Variants in IL1RAPL2 observed in about 807,000 individuals in gnomAD.
The protein encoded by IL1RAPL2 is interleukin 1 receptor accessory protein like 2, also known as X-linked interleukin-1 receptor accessory protein-like 2.
IL1RAPL2 carries 3 observed loss-of-function variants against 44.1 expected under a neutral mutation model. The observed-to-expected ratio is 0.07, with a 90% CI of 0.03 to 0.18. The LOEUF (loss-of-function observed/expected upper bound fraction) is 0.18, where lower values mean the gene tolerates loss of function less well. IL1RAPL2 is among the 10% of genes least tolerant of loss of function. The probability of loss-of-function intolerance (pLI) is 1.00; values close to 1 mark genes in which losing one functional copy is unlikely to be tolerated. For missense variants in IL1RAPL2, 391 were observed against 496.4 expected, an observed-to-expected ratio of 0.79 and a Z score of 2.02; for synonymous variants, 181 against 178.8, an observed-to-expected ratio of 1.01 and a Z score of -0.10.
At chrX:105,544,417 CTCT>C (rs1222005998) in intron 6 of IL1RAPL2, among the ~76,000 whole-genome samples, 1 of 110,452 alleles carries the variant, frequency 9.1e-6, no homozygotes, top group Non-Finnish European at 1.9e-5. Context: ...TTTGATTCTT[CTCT>C]TTTTTTTTCT....
chrX:105,740,796 T>A, intron 8 of IL1RAPL2, 105 bp downstream of exon 8: 2 of 763,493 alleles, frequency 2.6e-6, no homozygotes, highest in Non-Finnish European at 3.7e-6. Context: ...AAACCTTTAT[T>A]AACCATTTTG....
intron 6 of IL1RAPL2, among the ~76,000 whole-genome samples, chrX:105,553,278 G>A (rs1244266233): frequency 2.7e-5 from 3 of 111,826 alleles, no homozygotes; most frequent in Non-Finnish European, 3.8e-5. Context: ...AGTTGGCAGC[G>A]GCTTTGAAGC....
chrX:104,865,987 A>G (rs1476140190), intron 2 of IL1RAPL2, among the ~76,000 whole-genome samples: 4 of 112,418 alleles, frequency 3.6e-5, no homozygotes, highest in African/African-American at 1.3e-4. Context: ...CTGTCCCTTT[A>G]GAGAACCCTG....
At chrX:105,555,156 T>C (rs1389795277) in intron 6 of IL1RAPL2, among the ~76,000 whole-genome samples, 1 of 107,009 alleles carries the variant, frequency 9.3e-6, no homozygotes. Context: ...GATTAAGGAG[T>C]TTCCCAGGCA....
chrX:105,567,938 C>T (rs1316202816), intron 6 of IL1RAPL2, among the ~76,000 whole-genome samples: 1 of 111,205 alleles, frequency 9.0e-6, no homozygotes, highest in Non-Finnish European at 1.9e-5. Context: ...GAGTTGCCTT[C>T]ATGGAGTCAC....
At chrX:105,000,918 G>T (rs1208292789) in intron 2 of IL1RAPL2, among the ~76,000 whole-genome samples, 1 of 111,131 alleles carries the variant, frequency 9.0e-6, no homozygotes, top group Non-Finnish European at 1.9e-5. Flanking sequence ...CTCCATAAAT[G>T]GGGCATTTTA....
At chrX:105,715,091 A>G (rs1346465873) in intron 6 of IL1RAPL2, among the ~76,000 whole-genome samples, 2 of 112,137 alleles carry the variant, frequency 1.8e-5, no homozygotes. Context: ...GGGCACTCTC[A>G]CAAATACAGA....
rs138269823 is a variant in IL1RAPL2 at position 105,566,628 on chromosome X, G to A, written c.772+82241G>A. On this transcript the variant is annotated intron_variant, in intron 6 of 10. Coordinates refer to ENST00000372582, the MANE Select transcript of IL1RAPL2 (RefSeq NM_017416.2). The stretch of plus-strand genomic sequence containing the variant: ...AGGAGCTGTGGCTTGGAGAGTGATC[G>A]AGTTGATGTCTTCAAGTATAAGAAA... Among the ~76,000 whole-genome samples, 631 of 111,618 alleles carry A rather than the reference G, an allele frequency of 5.7e-3. 4 individuals carry two copies. The highest frequency in any genetic ancestry group is 0.019 in the African/African-American group (575 of 30,724).
At chrX:105,466,788 A>G (rs1453492997) in intron 5 of IL1RAPL2, among the ~76,000 whole-genome samples, 1 of 111,530 alleles carries the variant, frequency 9.0e-6, no homozygotes, top group Non-Finnish European at 1.9e-5. Context: ...TGGGTAATTA[A>G]AAAAGAAAAG....
chrX:104,801,927 C>T (rs1263251860), intron 2 of IL1RAPL2, among the ~76,000 whole-genome samples: 4 of 111,669 alleles, frequency 3.6e-5, no homozygotes, highest in South Asian at 3.8e-4. Flanking sequence ...AAAATAGCTT[C>T]GCCCTGCAAC....
intron 6 of IL1RAPL2, among the ~76,000 whole-genome samples, chrX:105,489,682 TTTTC>T (rs1381169279): frequency 3.3e-4 from 36 of 109,589 alleles, no homozygotes; most frequent in East Asian, 1.7e-3. Context: ...TTCTCTTTCT[TTTTC>T]TTTCTTTCTT....
intron 7 of IL1RAPL2, among the ~76,000 whole-genome samples, chrX:105,721,056 G>A (rs1367814695): frequency 1.8e-5 from 2 of 111,264 alleles, no homozygotes; most frequent in Non-Finnish European, 3.8e-5. Flanking sequence ...ACAATCCAAT[G>A]TCCATCAACA....
At chrX:104,648,312 C>T (rs1013070728) in intron 1 of IL1RAPL2, among the ~76,000 whole-genome samples, 1 of 112,188 alleles carries the variant, frequency 8.9e-6, no homozygotes, top group Non-Finnish European at 1.9e-5. Flanking sequence ...TTCACCATCA[C>T]AATGCATACT....
chrX:105,184,282 G>A (rs2033562863), intron 2 of IL1RAPL2, among the ~76,000 whole-genome samples: 1 of 111,165 alleles, frequency 9.0e-6, no homozygotes, highest in African/African-American at 3.3e-5. Flanking sequence ...TTGTGGAGGA[G>A]GTGAGTGTTT....
At chrX:105,156,198 C>A (rs993789244) in intron 2 of IL1RAPL2, among the ~76,000 whole-genome samples, 1 of 111,662 alleles carries the variant, frequency 9.0e-6, no homozygotes, top group Non-Finnish European at 1.9e-5. Context: ...CAGTTTTAGA[C>A]CCATACTAGT....
intron 2 of IL1RAPL2, among the ~76,000 whole-genome samples, chrX:104,673,330 C>T (rs1445294444): frequency 9.0e-6 from 1 of 111,232 alleles, no homozygotes; most frequent in Admixed American, 9.5e-5. Flanking sequence ...AGCCAGTTTT[C>T]CCAGCACCAT....
chrX:105,220,537 T>C (rs1603018340), intron 3 of IL1RAPL2: 1 of 560,957 alleles, frequency 1.8e-6, no homozygotes, highest in East Asian at 3.6e-5. Context: ...GACAAGACCG[T>C]CCTAATGACC....
intron 2 of IL1RAPL2, among the ~76,000 whole-genome samples, chrX:105,050,966 T>C (rs1231597605): frequency 1.8e-5 from 2 of 112,296 alleles, no homozygotes; most frequent in East Asian, 5.6e-4. Flanking sequence ...CTGCTCCAAG[T>C]TGGGTGCTTT....
chrX:105,017,719 T>G (rs1391427697), intron 2 of IL1RAPL2, among the ~76,000 whole-genome samples: 1 of 110,898 alleles, frequency 9.0e-6, no homozygotes, highest in African/African-American at 3.3e-5. Flanking sequence ...GAGCTGAGTA[T>G]GAGCAAAATA....
Sources: allele counts gnomAD v4.1 joint callset (sites outside exome capture counted in the v4.1 genomes callset), GRCh38; gene constraint gnomAD v4.1.1; transcripts MANE v1.5; gene names NCBI Gene and HGNC (gene_info 2026-07-23, HGNC 2026-07-21).